The following CNTN5 variants were observed in gnomAD, a reference collection of about 807,000 sequenced individuals.
The protein encoded by CNTN5 is contactin-5.
In CNTN5, 77 loss-of-function variants were observed where a neutral mutation model predicts 129.1. The ratio of observed to expected loss-of-function variants is 0.60; its 90% CI spans 0.50 to 0.72. The LOEUF (loss-of-function observed/expected upper bound fraction) is 0.72. CNTN5 is among the 30% of genes least tolerant of loss of function. The pLI is 0.00. For synonymous variants in CNTN5, 509 were observed against 465.6 expected, an observed-to-expected ratio of 1.09 and a Z score of -1.20; for missense variants, 1,478 against 1,328.8, an observed-to-expected ratio of 1.11 and a Z score of -1.75.
chr11:99,911,131 A>T (rs1410953086), intron 6 of CNTN5, among the ~76,000 whole-genome samples: 1 of 152,092 alleles, frequency 6.6e-6, no homozygotes, highest in Non-Finnish European at 1.5e-5. Context: ...TGTCTCTGAC[A>T]CTTAGTCTAA....
chr11:99,705,450 C>A (rs79845953), intron 3 of CNTN5, among the ~76,000 whole-genome samples: 3,937 of 151,418 alleles, frequency 0.026, 168 homozygotes, highest in African/African-American at 0.089. Context: ...TTCACTGATA[C>A]AACTACAGAG....
At chr11:99,878,778 C>T (rs1048199707) in intron 6 of CNTN5, among the ~76,000 whole-genome samples, 3 of 152,044 alleles carry the variant, frequency 2.0e-5, no homozygotes, top group Non-Finnish European at 2.9e-5. Context: ...TCACTTGAAC[C>T]CCGGAGGCAG....
At chr11:99,350,858 CT>C (rs1938248681) in intron 2 of CNTN5, among the ~76,000 whole-genome samples, 1 of 151,974 alleles carries the variant, frequency 6.6e-6, no homozygotes, top group Admixed American at 6.6e-5. Context: ...GTAGTGGGAA[CT>C]AAAGTGCTTT....
At chr11:99,862,530 C>T (rs1415377594) in intron 6 of CNTN5, among the ~76,000 whole-genome samples, 1 of 152,006 alleles carries the variant, frequency 6.6e-6, no homozygotes, top group African/African-American at 2.4e-5. Context: ...AACAAAACAG[C>T]CATGTATGCT....
At chr11:99,639,099 C>T (rs1376845197) in intron 3 of CNTN5, among the ~76,000 whole-genome samples, 1 of 152,342 alleles carries the variant, frequency 6.6e-6, no homozygotes, top group South Asian at 2.1e-4. Flanking sequence ...TCCCAAACCT[C>T]AATTCTTGAC....
intron 9 of CNTN5, among the ~76,000 whole-genome samples, chr11:100,057,926 A>G (rs1943302713): frequency 6.6e-6 from 1 of 152,052 alleles, no homozygotes; most frequent in South Asian, 2.1e-4. Context: ...CTACTCTCTG[A>G]CATAAGTCGT....
intron 2 of CNTN5, among the ~76,000 whole-genome samples, chr11:99,473,631 A>T (rs946672190): frequency 4.0e-5 from 6 of 151,286 alleles, no homozygotes; most frequent in African/African-American, 9.7e-5. Flanking sequence ...AACACTTTAA[A>T]TTTTTTTTTA....
At chr11:99,896,667 G>T (rs1181447122) in intron 6 of CNTN5, among the ~76,000 whole-genome samples, 1 of 152,100 alleles carries the variant, frequency 6.6e-6, no homozygotes, top group East Asian at 1.9e-4. Flanking sequence ...CATTGATTCT[G>T]CCCCTACCAC....
At chr11:99,038,302 G>T (rs1478525206) in intron 1 of CNTN5, among the ~76,000 whole-genome samples, 1 of 152,098 alleles carries the variant, frequency 6.6e-6, no homozygotes, top group African/African-American at 2.4e-5. Flanking sequence ...ACAAATAATA[G>T]TTGTGAATAT....
intron 9 of CNTN5, among the ~76,000 whole-genome samples, chr11:100,034,870 T>C (rs534504806): frequency 3.3e-5 from 5 of 152,062 alleles, no homozygotes; most frequent in African/African-American, 1.2e-4. Flanking sequence ...AGGTTGATTT[T>C]TGTAGTACTT....
At chr11:99,738,532 A>G (rs1943782657) in intron 3 of CNTN5, among the ~76,000 whole-genome samples, 1 of 152,128 alleles carries the variant, frequency 6.6e-6, no homozygotes, top group African/African-American at 2.4e-5. Context: ...CCAGCTGAAG[A>G]AATAATAGAA....
chr11:99,964,945 C>A (rs11222076), intron 8 of CNTN5, among the ~76,000 whole-genome samples: 1 of 152,086 alleles, frequency 6.6e-6, no homozygotes, highest in African/African-American at 2.4e-5. Flanking sequence ...AGTTTATTTG[C>A]GTAGAGATGT....
At chr11:100,161,228 T>C (rs1478890364) in intron 13 of CNTN5, among the ~76,000 whole-genome samples, 21 of 151,902 alleles carry the variant, frequency 1.4e-4, no homozygotes. Flanking sequence ...GAGAGCTGTA[T>C]AGCTAGTGGT....
At chr11:100,232,449 G>T (rs938409292) in intron 16 of CNTN5, among the ~76,000 whole-genome samples, 1 of 152,176 alleles carries the variant, frequency 6.6e-6, no homozygotes, top group South Asian at 2.1e-4. Flanking sequence ...GATGGCCTTG[G>T]CAAGGGCAAG....
intron 2 of CNTN5, among the ~76,000 whole-genome samples, chr11:99,352,714 T>G (rs919002881): frequency 6.6e-6 from 1 of 152,190 alleles, no homozygotes; most frequent in Admixed American, 6.5e-5. Flanking sequence ...AGGTATCATC[T>G]TTCATTATTC....
At chr11:99,689,705 T>C (rs1218526173) in intron 3 of CNTN5, among the ~76,000 whole-genome samples, 1 of 152,040 alleles carries the variant, frequency 6.6e-6, no homozygotes, top group Non-Finnish European at 1.5e-5. Flanking sequence ...TTTTCATATA[T>C]TTCCTGGCCA....
At chr11:100,249,368 G>A (rs1043789328) in intron 16 of CNTN5, among the ~76,000 whole-genome samples, 1 of 152,166 alleles carries the variant, frequency 6.6e-6, no homozygotes, top group Non-Finnish European at 1.5e-5. Flanking sequence ...TTGAATCCAT[G>A]AGAACATGGC....
intron 2 of CNTN5, among the ~76,000 whole-genome samples, chr11:99,517,937 T>G (rs200737491): frequency 6.6e-6 from 1 of 152,128 alleles, no homozygotes; most frequent in Non-Finnish European, 1.5e-5. Context: ...ATAGGCATTG[T>G]ATTTCTTATT....
chr11:99,776,800 A>AG (rs778114652), intron 3 of CNTN5, among the ~76,000 whole-genome samples: 64 of 151,760 alleles, frequency 4.2e-4, no homozygotes, highest in Non-Finnish European at 6.0e-4. Flanking sequence ...TAAAAAAAAA[A>AG]CTATTCAAAA....
Sources: gnomAD v4.1 joint callset for allele counts (sites outside exome capture counted in the v4.1 genomes callset) on GRCh38, gnomAD v4.1.1 for gene constraint, MANE v1.5 for transcripts, NCBI Gene and HGNC (gene_info 2026-07-23, HGNC 2026-07-21) for gene names.